The following NIPSNAP3B variants were observed in gnomAD, a reference collection of about 807,000 sequenced individuals.
NIPSNAP3B encodes nipsnap homolog 3B.
Under a neutral mutation model 31.5 loss-of-function variants are expected in NIPSNAP3B, and 30 were observed. The ratio of observed to expected loss-of-function variants is 0.95; its 90% CI spans 0.71 to 1.29. The LOEUF is 1.29. Ranked by LOEUF, NIPSNAP3B falls within the 50% of genes most tolerant of loss-of-function variation. The probability of loss-of-function intolerance (pLI) is 0.00; values close to 1 mark genes in which losing one functional copy is unlikely to be tolerated. For synonymous variants in NIPSNAP3B, 106 were observed against 107.9 expected (o/e 0.98, Z 0.11); for missense variants, 269 against 300.7 (o/e 0.89, Z 0.78).
chr9:104,787,014 G>A, the NIPSNAP3B span: 17 of 1,531,998 alleles, frequency 1.1e-5, no homozygotes, highest in Non-Finnish European at 1.4e-5. Context: ...TTGCTGGGGG[G>A]AAAAAAAATC....
chr9:104,764,424 G>C (rs1052899416), intron 1 of NIPSNAP3B, 124 bp downstream of exon 1: 1 of 773,460 alleles, frequency 1.3e-6, no homozygotes, highest in Non-Finnish European at 2.0e-6. Context: ...CGCCGCCGAA[G>C]TTCTAACGCG....
Position 104,772,996 on chromosome 9 carries a change from G to A in NIPSNAP3B, c.668-1G>A, listed in dbSNP as rs745360995. ...TGCCTTCTTATGAAATGTTTTTCCA[G>A]TTCGGGAAAGTGTCAACTACCTAGT... On this transcript the variant is annotated splice_acceptor_variant, in intron 5 of 5. Transcript: ENST00000374762. LOFTEE classifies it high-confidence loss of function. 1.8e-5 allele frequency: 29 copies of A among 1,614,076 alleles called. No homozygotes were observed. Among genetic ancestry groups the A allele is most frequent in the Non-Finnish European group, 2.5e-5 (29 of 1,179,936 alleles).
chr9:104,786,993 A>G, the NIPSNAP3B span: 3 of 1,602,092 alleles, frequency 1.9e-6, no homozygotes, highest in Non-Finnish European at 2.6e-6. Flanking sequence ...TTAGAATAAA[A>G]TAAGTCTTAT....
At chr9:104,787,945 A>G in the NIPSNAP3B span, 1 of 1,614,136 alleles carries the variant, frequency 6.2e-7, no homozygotes, top group Non-Finnish European at 8.5e-7. Context: ...AGGCCCGCCG[A>G]TCAAAGCCAT....
chr9:104,764,662 C>T (rs183985809), intron 1 of NIPSNAP3B, among the ~76,000 whole-genome samples: 2 of 152,326 alleles, frequency 1.3e-5, no homozygotes, highest in Non-Finnish European at 2.9e-5. Flanking sequence ...GCCTCATCCT[C>T]CGGAGTAGGT....
At chr9:104,768,779 GT>G (rs1330025452) in intron 2 of NIPSNAP3B, 83 bp from the exon 3 acceptor site, 2 of 1,256,332 alleles carry the variant, frequency 1.6e-6, no homozygotes, top group African/African-American at 3.0e-5. Context: ...GGCCTTGCAC[GT>G]TTGCTGAACT....
the NIPSNAP3B span, chr9:104,783,645 A>G: frequency 6.6e-6 from 1 of 152,630 alleles, no homozygotes; most frequent in Non-Finnish European, 1.5e-5. Context: ...TTTTTGTTGC[A>G]TGTTACTGCC....
downstream of NIPSNAP3B, among the ~76,000 whole-genome samples, chr9:104,778,883 TAAC>T (rs929749983): frequency 3.3e-5 from 5 of 152,180 alleles, no homozygotes; most frequent in African/African-American, 1.2e-4. Flanking sequence ...CTTGTTGCAC[TAAC>T]AATAAAATCC....
At chr9:104,768,817 C>A (rs1304229962) in intron 2 of NIPSNAP3B, 46 bp from the exon 3 acceptor site, 1 of 1,536,136 alleles carries the variant, frequency 6.5e-7, no homozygotes, top group East Asian at 2.3e-5. Flanking sequence ...AAAATATGGG[C>A]GATTTTAAAT....
chr9:104,778,739 T>C (rs1487482386), downstream of NIPSNAP3B, among the ~76,000 whole-genome samples: 1 of 152,210 alleles, frequency 6.6e-6, no homozygotes, highest in Non-Finnish European at 1.5e-5. Context: ...CATAGCTCCC[T>C]ATCTGTTGCT....
At position 104,764,225 on chromosome 9, in the gene NIPSNAP3B, G is replaced by A. The variant is rs918352834; in HGVS notation, c.-16G>A. 33 of 1,599,446 alleles carry A rather than the reference G, an allele frequency of 2.1e-5. No individual in the cohort carries two copies. Among genetic ancestry groups the A allele is most frequent in the Non-Finnish European group, 2.6e-5 (31 of 1,174,966 alleles). ...AGGACTCGGCTGGCTGCTTTTCTCA[G>A]TGCCGAAGCCGCGCCATGCTCGTTC... On this transcript the variant is annotated 5_prime_UTR_variant, in exon 1 of 6. It adds an upstream start codon to the 5' untranslated region. Transcript: ENST00000374762.
chr9:104,782,658 G>A (rs886063296), downstream of NIPSNAP3B: 1 of 152,232 alleles, frequency 6.6e-6, no homozygotes, highest in Middle Eastern at 3.4e-3. Flanking sequence ...TTGAAGAGAT[G>A]AAAAATTTGA....
At chr9:104,771,153 C>A in intron 4 of NIPSNAP3B, 155 bp downstream of exon 4, 1 of 607,334 alleles carries the variant, frequency 1.6e-6, no homozygotes, top group Non-Finnish European at 2.8e-6. Flanking sequence ...TATTTTACAT[C>A]TTATTTTTTT....
At chr9:104,784,927 A>G in the NIPSNAP3B span, among the ~76,000 whole-genome samples, 1 of 152,158 alleles carries the variant, frequency 6.6e-6, no homozygotes, top group Non-Finnish European at 1.5e-5. Flanking sequence ...TACAGGCATG[A>G]GCCACCACGC....
chr9:104,790,784 G>A, the NIPSNAP3B span: 35 of 635,782 alleles, frequency 5.5e-5, no homozygotes, highest in African/African-American at 4.8e-4. Flanking sequence ...GATTTTATGT[G>A]CTTCTTTACC....
intron 2 of NIPSNAP3B, among the ~76,000 whole-genome samples, chr9:104,768,003 T>C (rs990383291): frequency 2.0e-5 from 3 of 152,168 alleles, no homozygotes; most frequent in African/African-American, 7.2e-5. Context: ...CATCCTTCCA[T>C]ATACTTTAAA....
chr9:104,771,445 G>A (rs2487716), intron 4 of NIPSNAP3B: 122,766 of 153,584 alleles, frequency 0.8, 49,329 homozygotes, highest in Admixed American at 0.89. Context: ...TTTAGCTCCC[G>A]TTTATAAGTG....
chr9:104,770,151 CT>C (rs879613452), intron 3 of NIPSNAP3B, among the ~76,000 whole-genome samples: 2 of 152,168 alleles, frequency 1.3e-5, no homozygotes, highest in Non-Finnish European at 1.5e-5. Context: ...TTCCCTTCCT[CT>C]ATGTTGTTCA....
the NIPSNAP3B span, among the ~76,000 whole-genome samples, chr9:104,787,247 G>C: frequency 1.3e-5 from 2 of 152,032 alleles, no homozygotes; most frequent in African/African-American, 2.4e-5. Flanking sequence ...AAGGAAAAAG[G>C]CCATTTAGTT....
Sources: gnomAD v4.1 joint callset for allele counts (sites outside exome capture counted in the v4.1 genomes callset) on GRCh38, gnomAD v4.1.1 for gene constraint, MANE v1.5 for transcripts, NCBI Gene and HGNC (gene_info 2026-07-23, HGNC 2026-07-21) for gene names.